FRMD6: variants seen among roughly 807,000 people sequenced by gnomAD.
FRMD6 encodes the protein FERM domain-containing protein 6.
A neutral mutation model predicts 73.2 loss-of-function variants in FRMD6; 37 were observed. That is an observed-to-expected ratio of 0.51 (90% confidence interval 0.39 to 0.66). FRMD6 has a LOEUF of 0.66. Ranked by LOEUF, FRMD6 falls within the 30% of genes least tolerant of loss-of-function variation. The probability of loss-of-function intolerance (pLI) is 0.00; values close to 1 mark genes in which losing one functional copy is unlikely to be tolerated. For synonymous variants in FRMD6, 273 were observed against 282.2 expected, an observed-to-expected ratio of 0.97 and a Z score of 0.33; for missense variants, 714 against 780.5, an observed-to-expected ratio of 0.91 and a Z score of 1.02.
intron 1 of FRMD6, among the ~76,000 whole-genome samples, chr14:51,533,788 C>T (rs903570171): frequency 6.6e-6 from 1 of 152,180 alleles, no homozygotes; most frequent in Non-Finnish European, 1.5e-5. Context: ...AGGATGCCAC[C>T]CCTGTTCCAC....
chr14:51,459,369 C>T, the FRMD6 span, among the ~76,000 whole-genome samples: 5 of 152,172 alleles, frequency 3.3e-5, no homozygotes, highest in East Asian at 1.9e-4. Flanking sequence ...TAACTTCTTG[C>T]CTATCCGGCA....
intron 1 of FRMD6, among the ~76,000 whole-genome samples, chr14:51,556,863 C>T (rs1887164467): frequency 6.6e-6 from 1 of 152,188 alleles, no homozygotes; most frequent in Non-Finnish European, 1.5e-5. Context: ...AAGTGGCTTC[C>T]AAATCCAGAT....
At chr14:51,520,857 C>T (rs1884918453) in intron 1 of FRMD6, among the ~76,000 whole-genome samples, 1 of 152,056 alleles carries the variant, frequency 6.6e-6, no homozygotes, top group Non-Finnish European at 1.5e-5. Context: ...CTGCAGTGAG[C>T]CATGATCATG....
chr14:51,546,381 C>G (rs374909887), intron 1 of FRMD6, among the ~76,000 whole-genome samples: 22 of 146,646 alleles, frequency 1.5e-4, no homozygotes, highest in African/African-American at 5.6e-4. Flanking sequence ...TCATGTCTCT[C>G]AGGAAAGAGA....
At chr14:51,659,000 A>G (rs538610899) in intron 1 of FRMD6, among the ~76,000 whole-genome samples, 3 of 152,184 alleles carry the variant, frequency 2.0e-5, no homozygotes, top group African/African-American at 7.2e-5. Flanking sequence ...TATGCTGACC[A>G]TAGGGCCACA....
the FRMD6 span, among the ~76,000 whole-genome samples, chr14:51,447,297 G>T: frequency 6.6e-6 from 1 of 152,092 alleles, no homozygotes; most frequent in African/African-American, 2.4e-5. Flanking sequence ...GATGCCCTTG[G>T]AAAACACATT....
the FRMD6 span, among the ~76,000 whole-genome samples, chr14:51,456,399 G>C: frequency 0.46 from 70,217 of 151,808 alleles, 16,607 homozygotes; most frequent in East Asian, 0.66. Flanking sequence ...AGAACATATG[G>C]TGTTTGGTTT....
At chr14:51,420,096 C>T in the FRMD6 span, among the ~76,000 whole-genome samples, 13 of 152,286 alleles carry the variant, frequency 8.5e-5, no homozygotes, top group African/African-American at 2.4e-4. Flanking sequence ...ACTTCCCAGG[C>T]ATGTGCTCTT....
chr14:51,657,237 C>A (rs1892899547), intron 1 of FRMD6, among the ~76,000 whole-genome samples: 1 of 151,836 alleles, frequency 6.6e-6, no homozygotes, highest in South Asian at 2.1e-4. Flanking sequence ...GTCCCTGTAG[C>A]TTTATTTCTT....
the FRMD6 span, among the ~76,000 whole-genome samples, chr14:51,423,408 G>T: frequency 6.6e-6 from 1 of 152,178 alleles, no homozygotes. Flanking sequence ...CTCAGCTTGC[G>T]TGTAGCTACT....
intron 2 of FRMD6, among the ~76,000 whole-genome samples, chr14:51,634,232 T>C (rs80215762): frequency 2.0e-5 from 3 of 152,330 alleles, no homozygotes; most frequent in Admixed American, 1.3e-4. Flanking sequence ...TTATTACACG[T>C]TGGGAGATAG....
At chr14:51,415,921 A>G in the FRMD6 span, among the ~76,000 whole-genome samples, 1 of 152,038 alleles carries the variant, frequency 6.6e-6, no homozygotes, top group Admixed American at 6.5e-5. Flanking sequence ...TTTCTTCTAG[A>G]TTTTCCAGTT....
At chr14:51,454,225 A>T in the FRMD6 span, among the ~76,000 whole-genome samples, 2 of 152,248 alleles carry the variant, frequency 1.3e-5, no homozygotes, top group African/African-American at 4.8e-5. Flanking sequence ...AATGCTTTCC[A>T]GGGTATGTAC....
intron 9 of FRMD6, 157 bp from the exon 10 acceptor site, chr14:51,715,168 T>C: frequency 1.7e-6 from 1 of 606,020 alleles, no homozygotes; most frequent in Non-Finnish European, 2.6e-6. Context: ...TGTGACATTT[T>C]TGAAAGGAAA....
chr14:51,458,753 A>G, the FRMD6 span, among the ~76,000 whole-genome samples: 1 of 152,204 alleles, frequency 6.6e-6, no homozygotes, highest in South Asian at 2.1e-4. Context: ...CATTTCCAGT[A>G]TGACCAACTG....
chr14:51,560,864 T>A (rs1887444758), intron 1 of FRMD6, among the ~76,000 whole-genome samples: 1 of 152,164 alleles, frequency 6.6e-6, no homozygotes, highest in Admixed American at 6.5e-5. Context: ...ACCCACAAAT[T>A]TCTCCAAACT....
intron 7 of FRMD6, among the ~76,000 whole-genome samples, chr14:51,710,729 A>G (rs1328953023): frequency 6.6e-6 from 1 of 152,182 alleles, no homozygotes; most frequent in Non-Finnish European, 1.5e-5. Flanking sequence ...AAATCTCATA[A>G]TGAAAATATT....
At chr14:51,694,193 C>G (rs1348607379) in intron 2 of FRMD6, among the ~76,000 whole-genome samples, 1 of 151,992 alleles carries the variant, frequency 6.6e-6, no homozygotes, top group Non-Finnish European at 1.5e-5. Context: ...AATCATCAGG[C>G]AAATATGGAA....
chr14:51,559,343 C>T (rs1054104436), intron 1 of FRMD6, among the ~76,000 whole-genome samples: 1 of 152,218 alleles, frequency 6.6e-6, no homozygotes, highest in Non-Finnish European at 1.5e-5. Flanking sequence ...TTCAGTGTTT[C>T]TCAAAGTGTG....
Sources: gnomAD v4.1 joint callset for allele counts (sites outside exome capture counted in the v4.1 genomes callset) on GRCh38, gnomAD v4.1.1 for gene constraint, MANE v1.5 for transcripts, NCBI Gene and HGNC (gene_info 2026-07-23, HGNC 2026-07-21) for gene names.